Variants in DNM1 observed in about 807,000 individuals in gnomAD.
The protein encoded by DNM1 is dynamin-1.
DNM1 carries 29 observed loss-of-function variants against 104.6 expected under a neutral mutation model. That is an observed-to-expected ratio of 0.28 (90% CI 0.21 to 0.38). DNM1 has a LOEUF of 0.38. DNM1 is among the 10% of genes least tolerant of loss of function. DNM1 has a pLI of 1.00. For missense variants in DNM1, 640 were observed against 1,189.4 expected, an observed-to-expected ratio of 0.54 and a Z score of 6.79; for synonymous variants, 445 against 475.8, an observed-to-expected ratio of 0.94 and a Z score of 0.84.
Position 128,247,483 on chromosome 9 carries a change from T to C in DNM1, c.1890T>C (p.Val630=). The C allele has an allele frequency of 1.2e-6, 2 of 1,606,162 alleles. No homozygotes were observed. The highest frequency in any genetic ancestry group is 3.3e-5 in the Admixed American group (2 of 59,762). The change falls in exon 17 of 22, where the codon GTT becomes GTC. Residue 630 remains valine, a synonymous_variant. Coordinates refer to ENST00000372923, the MANE Select transcript of DNM1 (RefSeq NM_004408.4). The surrounding 1 kb of genome is among the most constrained non-coding windows in gnomAD (Gnocchi z 5.1). ...FLRAGVYPER[V]GDKEKASETE... Reference sequence around the variant, plus strand: ...GGGCTGGCGTGTACCCTGAGCGTGTTGGGGTGAGTGGCAGGGCAAGGAGAG... The same window carrying C: ...GGGCTGGCGTGTACCCTGAGCGTGTCGGGGTGAGTGGCAGGGCAAGGAGAG...
chr9:128,251,234 T>G, intron 21 of DNM1: 1 of 595,870 alleles, frequency 1.7e-6, no homozygotes, highest in East Asian at 3.7e-5. Flanking sequence ...ATTTTCACTC[T>G]TGGCGGCCGC....
At chr9:128,246,246 C>T (rs186892072) in intron 15 of DNM1, 148 bp from the exon 16 acceptor site, 13 of 642,796 alleles carry the variant, frequency 2.0e-5, no homozygotes, top group African/African-American at 1.6e-4. Context: ...GCCTACGGTC[C>T]GTGGCCAGGC....
intron 11 of DNM1, 41 bp downstream of exon 11, chr9:128,234,148 A>G: frequency 6.9e-7 from 1 of 1,450,850 alleles, no homozygotes; most frequent in Non-Finnish European, 9.2e-7. Flanking sequence ...CCTTCCTTCC[A>G]CTCCTGGCCG....
At chr9:128,246,540 C>CA (rs1836825247) in intron 16 of DNM1, 37 bp downstream of exon 16, 4 of 1,489,540 alleles carry the variant, frequency 2.7e-6, no homozygotes, top group Non-Finnish European at 3.7e-6. Flanking sequence ...GCTGCAGCCC[C>CA]AAAACCACCC....
Position 128,253,393 on chromosome 9 carries a change from C to T in DNM1, c.2535-1261C>T. The T allele has an allele frequency of 1.8e-6, 1 of 548,126 alleles. No homozygotes were observed. Among genetic ancestry groups the T allele is most frequent in the Non-Finnish European group, 3.3e-6 (1 of 305,980 alleles). The allele number at this position is 548,126 out of a possible 1,614,324, so 34.0% of individuals were successfully genotyped here. A position where few individuals can be genotyped will look rare whatever the true frequency, so the allele number is the denominator to read the frequency against. ...GGAGGCTCTTGGAACAGGCTCCGCG[C>T]CCAAGCTGGCAGACATGGGTGCTCT... On this transcript the variant is annotated intron_variant, in intron 21 of 21. Transcript: ENST00000372923. The surrounding 1 kb of genome is among the most constrained non-coding windows in gnomAD (Gnocchi z 5.9).
Position 128,253,505 on chromosome 9 carries a change from TGAGGCGGCCA to T in DNM1, c.2535-1143_2535-1134del. ...GGGGGTCGTGTGTGGGGCTGGACTC[TGAGGCGGCCA>T]GAGGCCTAGGAACGTTATCCTGGGC... is the stretch of plus-strand genomic sequence containing the variant. On this transcript the variant is annotated intron_variant, in intron 21 of 21. Transcript: ENST00000372923. The surrounding 1 kb of genome is among the most constrained non-coding windows in gnomAD (Gnocchi z 5.9). 1 of 306,232 alleles carries T rather than the reference TGAGGCGGCCA, an allele frequency of 3.3e-6. No individual in the cohort carries two copies. Among genetic ancestry groups the T allele is most frequent in the Non-Finnish European group, 6.1e-6 (1 of 162,848 alleles). The allele number at this position is 306,232 out of a possible 1,614,324, so 19.0% of individuals were successfully genotyped here.
intron 12 of DNM1, 82 bp downstream of exon 12, chr9:128,239,597 T>A: frequency 1.6e-6 from 2 of 1,266,732 alleles, no homozygotes; most frequent in South Asian, 2.5e-5. Context: ...TGTGTGTGTG[T>A]GTGTGTGTGT....
At position 128,250,765 on chromosome 9, in the gene DNM1, G is replaced by A. The variant is rs1286706539; in HGVS notation, c.2359G>A (p.Ala787Thr). ...CCCCACGCCGCAGCGCCGAGCCCCC[G>A]CCGTGCCCCCAGCCCGGCCCGGGTC... ...SSPTPQRRAP[A>T]VPPARPGSRG... Residue 787 changes from alanine to threonine, a missense_variant, in exon 21 of 22, where the codon GCC becomes ACC. By Grantham distance (58) the Ala-to-Thr change is moderately conservative (BLOSUM62 0). Coordinates refer to ENST00000372923, the MANE Select transcript of DNM1 (RefSeq NM_004408.4). The A allele has an allele frequency of 2.1e-6, 3 of 1,418,174 alleles. No individual in the cohort carries two copies. Among genetic ancestry groups the A allele is most frequent in the Non-Finnish European group, 1.8e-6 (2 of 1,091,286 alleles). 87.8% of individuals were successfully genotyped at this position (1,418,174 alleles called of 1,614,324 possible). A position where few individuals can be genotyped will look rare whatever the true frequency, so the allele number is the denominator to read the frequency against.
Position 128,239,456 on chromosome 9 carries a change from C to T in DNM1, c.1434C>T (p.Leu478=). Residue 478 remains leucine, a synonymous_variant, in exon 12 of 22, where the codon CTC becomes CTT. Coordinates refer to ENST00000372923, the MANE Select transcript of DNM1 (RefSeq NM_004408.4). ...EGRTKEQVML[L]IDIELAYMNT... is the part of the protein sequence containing the mutation. ...ATGTATCCTTGAAGGTCATGCTTCT[C>T]ATCGATATCGAGCTGGCTTACATGA... The T allele has an allele frequency of 6.2e-7, 1 of 1,613,922 alleles. No homozygotes were observed. The highest frequency in any genetic ancestry group is 8.5e-7 in the Non-Finnish European group (1 of 1,179,814).
intron 1 of DNM1, among the ~76,000 whole-genome samples, chr9:128,213,831 G>A (rs563003841): frequency 6.6e-6 from 1 of 152,234 alleles, no homozygotes; most frequent in South Asian, 2.1e-4. Context: ...CTGCTCCCGG[G>A]GCCATCAGAA....
At chr9:128,215,594 C>G (rs1588340271) in intron 1 of DNM1, among the ~76,000 whole-genome samples, 1 of 152,198 alleles carries the variant, frequency 6.6e-6, no homozygotes, top group East Asian at 1.9e-4. Context: ...CAGCAGGCAG[C>G]TGGCCCAGAC....
At chr9:128,206,080 C>T (rs1194587669) in intron 1 of DNM1, among the ~76,000 whole-genome samples, 1 of 152,188 alleles carries the variant, frequency 6.6e-6, no homozygotes, top group Non-Finnish European at 1.5e-5. Context: ...GTTCCACTGT[C>T]TCAGCCTGCC....
At chr9:128,209,397 T>G (rs1834160764) in intron 1 of DNM1, among the ~76,000 whole-genome samples, 2 of 149,454 alleles carry the variant, frequency 1.3e-5, no homozygotes, top group African/African-American at 2.5e-5. Context: ...GGTGGGAGAG[T>G]GGAGAGGGTG....
intron 1 of DNM1, among the ~76,000 whole-genome samples, chr9:128,216,993 C>T (rs941473501): frequency 5.9e-5 from 9 of 152,198 alleles, no homozygotes; most frequent in East Asian, 1.9e-4. Flanking sequence ...CTTGTGCTTG[C>T]GCCAGCTGGA....
chr9:128,247,437 G>C lies in DNM1; in HGVS notation c.1844G>C (p.Ser615Thr). Residue 615 changes from serine (S) to threonine (T), a missense_variant, in exon 17 of 22, where the codon AGC becomes ACC. Physicochemically the swap from Ser to Thr is moderately conservative, Grantham distance 58 (BLOSUM62 1). Transcript: ENST00000372923. The surrounding 1 kb of genome is among the most constrained non-coding windows in gnomAD (Gnocchi z 5.1). ...TGTGAGACACAGGAGGAGGTGGACA[G>C]CTGGAAGGCCTCCTTCCTGAGGGCT... ...LACETQEEVD[S>T]WKASFLRAGV... 6.2e-7 allele frequency: 1 copy of C among 1,613,730 alleles called. No individual in the cohort carries two copies. Among genetic ancestry groups the C allele is most frequent in the Non-Finnish European group, 8.5e-7 (1 of 1,179,730 alleles).
chr9:128,228,999 AAG>A (rs1384683861), intron 10 of DNM1, among the ~76,000 whole-genome samples: 5 of 87,922 alleles, frequency 5.7e-5, no homozygotes, highest in South Asian at 1.0e-3. Flanking sequence ...AAAAGAAAGA[AAG>A]AAAAAGAAAA....
chr9:128,251,685 G>GA (rs1829542203), intron 21 of DNM1: 1 of 152,816 alleles, frequency 6.5e-6, no homozygotes, highest in Non-Finnish European at 1.5e-5. Flanking sequence ...TGTGGTAGGG[G>GA]TGGCGGCAGG....
At chr9:128,228,252 A>G (rs1478228434) in intron 10 of DNM1, among the ~76,000 whole-genome samples, 1 of 151,818 alleles carries the variant, frequency 6.6e-6, no homozygotes, top group Non-Finnish European at 1.5e-5. Flanking sequence ...AATGTTGGCC[A>G]GGCTGGTCTT....
At position 128,253,010 on chromosome 9, in the gene DNM1, G is replaced by A. The variant is rs560866831; in HGVS notation, c.2535-1644G>A. 6.9e-6 allele frequency: 9 copies of A among 1,300,212 alleles called. No individual in the cohort carries two copies. The highest frequency in any genetic ancestry group is 4.4e-5 in the African/African-American group (3 of 68,864). The allele number at this position is 1,300,212 out of a possible 1,614,324, so 80.5% of individuals were successfully genotyped here. On this transcript the variant is annotated intron_variant, in intron 21 of 21. Coordinates refer to ENST00000372923, the MANE Select transcript of DNM1 (RefSeq NM_004408.4). The surrounding 1 kb of genome is among the most constrained non-coding windows in gnomAD (Gnocchi z 5.9). ...GGGGCCTCACAGCATGTGTGTGCAC[G>A]CCCGGGCGTGTGCGTGTGTGTGTCC... is the stretch of plus-strand genomic sequence containing the variant.
Sources: gnomAD v4.1 joint callset for allele counts (sites outside exome capture counted in the v4.1 genomes callset) on GRCh38, gnomAD v4.1.1 for gene constraint, Gnocchi (gnomAD v3.1) non-coding constraint, MANE v1.5 for transcripts, NCBI Gene and HGNC (gene_info 2026-07-23, HGNC 2026-07-21) for gene names.